Variants in DIP2C observed in about 807,000 individuals in gnomAD.
The protein encoded by DIP2C is DIP2 acetate--CoA ligase C (putative).
A neutral mutation model predicts 192.4 loss-of-function variants in DIP2C; 33 were observed. The observed-to-expected ratio is 0.17, with a 90% CI of 0.13 to 0.23. DIP2C has a LOEUF of 0.23. Among genes scored for constraint, DIP2C ranks in the 10% least tolerant of loss-of-function variants. The pLI is 1.00. For missense variants in DIP2C, 1,537 were observed against 2,110.1 expected (o/e 0.73, Z 5.32); for synonymous variants, 979 against 864.1 (o/e 1.13, Z -2.33).
intron 9 of DIP2C, among the ~76,000 whole-genome samples, chr10:401,316 G>A (rs1008359183): frequency 6.7e-6 from 1 of 149,522 alleles, no homozygotes; most frequent in Non-Finnish European, 1.5e-5. Context: ...TTTGGTATGT[G>A]TTCATCAGCA....
At chr10:432,217 TAAG>T (rs2133221790) in intron 4 of DIP2C, among the ~76,000 whole-genome samples, 2 of 152,332 alleles carry the variant, frequency 1.3e-5, no homozygotes, top group African/African-American at 4.8e-5. Flanking sequence ...TAGAATGAGT[TAAG>T]AAGTATTCCT....
chr10:665,448 C>G (rs1299025410), intron 1 of DIP2C: 1 of 152,058 alleles, frequency 6.6e-6, no homozygotes, highest in Non-Finnish European at 1.5e-5. Flanking sequence ...ACGCGATCAT[C>G]TAGCATGGAA....
chr10:510,305 G>A (rs552564489), intron 1 of DIP2C, among the ~76,000 whole-genome samples: 63 of 152,332 alleles, frequency 4.1e-4, no homozygotes, highest in Admixed American at 2.7e-3. Context: ...ACACCTTGCC[G>A]TCTCCAAGAC....
intron 1 of DIP2C, among the ~76,000 whole-genome samples, chr10:581,415 A>C (rs1850650124): frequency 6.6e-6 from 1 of 152,228 alleles, no homozygotes; most frequent in Non-Finnish European, 1.5e-5. Flanking sequence ...GAATTTACTT[A>C]ACATGTTAAG....
chr10:418,930 C>A lies in DIP2C; in HGVS notation c.739+135G>T, dbSNP rs1221646009. The A allele has an allele frequency of 4.5e-6, 6 of 1,343,584 alleles. No individual in the cohort carries two copies. The African/African-American group carries it at 8.8e-5, about 20-fold the overall frequency. 83.2% of individuals were successfully genotyped at this position (1,343,584 alleles called of 1,614,324 possible). On this transcript the variant is annotated intron_variant, in intron 6 of 36. Transcript: ENST00000280886. ...GCTAGGCCACCTTCCATGAGAGGCTCCCGAAGATCTGATAAATTGGCTTTG... is the reference window on the plus strand; with the variant it reads ...GCTAGGCCACCTTCCATGAGAGGCTACCGAAGATCTGATAAATTGGCTTTG...
At chr10:495,719 C>T (rs966125462) in intron 1 of DIP2C, among the ~76,000 whole-genome samples, 4 of 151,980 alleles carry the variant, frequency 2.6e-5, no homozygotes, top group South Asian at 2.1e-4. Flanking sequence ...TGTGCCCTCC[C>T]GTGTACTTAA....
At chr10:560,517 T>C (rs1849151617) in intron 1 of DIP2C, among the ~76,000 whole-genome samples, 1 of 152,246 alleles carries the variant, frequency 6.6e-6, no homozygotes, top group African/African-American at 2.4e-5. Flanking sequence ...GAATCAGTTC[T>C]CCCAAGTCCA....
chr10:344,953 T>A (rs1238130014), intron 27 of DIP2C, 35 bp from the exon 28 acceptor site: 2 of 1,604,860 alleles, frequency 1.2e-6, no homozygotes, highest in African/African-American at 1.3e-5. Context: ...AGATCCAGCC[T>A]GAGCAAGGCC....
chr10:469,545 G>A (rs1970468678), intron 3 of DIP2C, among the ~76,000 whole-genome samples: 1 of 152,094 alleles, frequency 6.6e-6, no homozygotes, highest in Non-Finnish European at 1.5e-5. Context: ...TTGAACTCCT[G>A]AACTCAAGTG....
intron 1 of DIP2C, among the ~76,000 whole-genome samples, chr10:672,352 C>T (rs906142661): frequency 5.3e-5 from 8 of 152,242 alleles, no homozygotes; most frequent in African/African-American, 1.2e-4. Flanking sequence ...GCCAGAGACG[C>T]GCACACGCCA....
intron 31 of DIP2C, among the ~76,000 whole-genome samples, chr10:320,877 C>A (rs1236899149): frequency 6.6e-6 from 1 of 152,164 alleles, no homozygotes; most frequent in East Asian, 1.9e-4. Context: ...GGAGGAGGAA[C>A]AAAGTACACT....
intron 1 of DIP2C, among the ~76,000 whole-genome samples, chr10:494,127 C>A (rs1234377448): frequency 1.3e-5 from 2 of 152,212 alleles, no homozygotes; most frequent in African/African-American, 4.8e-5. Flanking sequence ...TGGTCATGAA[C>A]ACACACTATG....
chr10:304,973 GTA>G (rs1471709901), intron 32 of DIP2C, among the ~76,000 whole-genome samples: 6 of 152,078 alleles, frequency 3.9e-5, no homozygotes. Context: ...CCATAAATGT[GTA>G]CACATTTGAA....
chr10:399,139 G>A lies in DIP2C; in HGVS notation c.1230C>T (p.Pro410=), dbSNP rs776686940. The A allele has an allele frequency of 4.5e-5, 72 of 1,613,836 alleles. No homozygotes were observed. In the Middle Eastern group the frequency reaches 2.3e-3, roughly 52 times the overall value. ...TGGTGAGCGGCACCTCGATGGGCAC[G>A]GGGACCACCTCGGCCAGCAGGCAGC... The part of the protein sequence containing the change: ...FYGCLLAEVV[P]VPIEVPLTRK... The change falls in exon 10 of 37, where the codon CCC becomes CCT. Residue 410 remains proline, a synonymous_variant. Coordinates refer to ENST00000280886, the MANE Select transcript of DIP2C (RefSeq NM_014974.3).
At chr10:431,594 A>T (rs1966856157) in intron 4 of DIP2C, among the ~76,000 whole-genome samples, 1 of 152,102 alleles carries the variant, frequency 6.6e-6, no homozygotes, top group African/African-American at 2.4e-5. Context: ...TTCAAATTCT[A>T]CTTGTTCTTT....
At chr10:524,983 A>AATC (rs397800998) in intron 1 of DIP2C, among the ~76,000 whole-genome samples, 27 of 151,362 alleles carry the variant, frequency 1.8e-4, no homozygotes, top group Non-Finnish European at 3.2e-4. Context: ...AAAAAAAAAA[A>AATC]GAATCACATT....
chr10:622,893 G>A (rs1485503451), intron 1 of DIP2C, among the ~76,000 whole-genome samples: 1 of 152,132 alleles, frequency 6.6e-6, no homozygotes, highest in East Asian at 1.9e-4. Context: ...ACAAAGATGT[G>A]GAATTAGAGC....
At chr10:466,979 T>C (rs1159065977) in intron 3 of DIP2C, among the ~76,000 whole-genome samples, 2 of 150,164 alleles carry the variant, frequency 1.3e-5, no homozygotes, top group Non-Finnish European at 3.0e-5. Context: ...GTGTGGCGAT[T>C]CCTCAGGGAT....
chr10:433,970 C>CT (rs1426132444), intron 4 of DIP2C, among the ~76,000 whole-genome samples: 8 of 151,550 alleles, frequency 5.3e-5, no homozygotes, highest in Admixed American at 1.3e-4. Flanking sequence ...ATATCAGTTA[C>CT]TTTTTTTTAA....
Sources: allele counts gnomAD v4.1 joint callset (sites outside exome capture counted in the v4.1 genomes callset), GRCh38; gene constraint gnomAD v4.1.1; transcripts MANE v1.5; gene names NCBI Gene and HGNC (gene_info 2026-07-23, HGNC 2026-07-21).